ASTN2: variants seen among roughly 807,000 people sequenced by gnomAD.
ASTN2 encodes the protein astrotactin-2.
Under a neutral mutation model 139.8 loss-of-function variants are expected in ASTN2, and 54 were observed. That is an observed-to-expected ratio of 0.39 (90% CI 0.31 to 0.48). The LOEUF is 0.48. Ranked by LOEUF, ASTN2 falls within the 20% of genes least tolerant of loss-of-function variation. ASTN2 has a pLI of 0.95. For synonymous variants in ASTN2, 756 were observed against 719.5 expected (o/e 1.05, Z -0.81); for missense variants, 1,565 against 1,725.1 (o/e 0.91, Z 1.64).
intron 10 of ASTN2, among the ~76,000 whole-genome samples, chr9:116,972,474 C>T (rs950420644): frequency 1.3e-5 from 2 of 152,052 alleles, no homozygotes; most frequent in Admixed American, 1.3e-4. Context: ...ACTTGTGGCA[C>T]ACATTTACAT....
chr9:117,404,745 G>A (rs1383823641), intron 1 of ASTN2, among the ~76,000 whole-genome samples: 2 of 152,008 alleles, frequency 1.3e-5, no homozygotes, highest in African/African-American at 4.8e-5. Flanking sequence ...AAAGGACATA[G>A]AGCTTATACA....
chr9:116,439,669 C>T (rs1847783410), intron 22 of ASTN2, among the ~76,000 whole-genome samples: 1 of 152,152 alleles, frequency 6.6e-6, no homozygotes, highest in African/African-American at 2.4e-5. Flanking sequence ...GTCAGGTAGT[C>T]TCTCTGCTCC....
At chr9:116,697,145 C>G (rs57108535) in intron 16 of ASTN2, among the ~76,000 whole-genome samples, 1,688 of 152,262 alleles carry the variant, frequency 0.011, 30 homozygotes, top group African/African-American at 0.039. Flanking sequence ...TGTGGACTTG[C>G]ATGTTATACT....
chr9:117,262,622 G>A (rs1370844988), intron 2 of ASTN2, among the ~76,000 whole-genome samples: 1 of 152,042 alleles, frequency 6.6e-6, no homozygotes. Context: ...TGTATTAACA[G>A]CAGGAAGGAT....
intron 19 of ASTN2, among the ~76,000 whole-genome samples, chr9:116,503,991 T>C (rs1849999597): frequency 6.6e-6 from 1 of 152,156 alleles, no homozygotes; most frequent in Non-Finnish European, 1.5e-5. Context: ...GGTAGTGCAG[T>C]GCCCACTTCT....
rs1009813872 is a variant in ASTN2, at chr9:117,376,628, C to G, written c.442+37869G>C. Among the ~76,000 whole-genome samples the G allele has an allele frequency of 2.0e-5, 3 of 152,146 alleles. No individual in the cohort carries two copies. In the East Asian group the frequency reaches 5.8e-4, roughly 29 times the overall value. The stretch of plus-strand genomic sequence containing the variant: ...GCAGGATTTGTGGGAGGAGCGAAGC[C>G]TGAGCTAAATAGACTAGATATGGAT... On this transcript the variant is annotated intron_variant, in intron 1 of 22. Transcript: ENST00000313400.
intron 17 of ASTN2, among the ~76,000 whole-genome samples, chr9:116,625,875 C>T (rs1299204154): frequency 6.6e-6 from 1 of 152,160 alleles, no homozygotes; most frequent in Non-Finnish European, 1.5e-5. Flanking sequence ...TTGTCCCTCT[C>T]TCCTCTCATT....
chr9:116,667,538 G>A (rs935817743), intron 16 of ASTN2, among the ~76,000 whole-genome samples: 1 of 152,142 alleles, frequency 6.6e-6, no homozygotes, highest in African/African-American at 2.4e-5. Flanking sequence ...TGAATACATA[G>A]AGATTTATTA....
intron 19 of ASTN2, chr9:116,583,238 C>T (rs1588037202): frequency 6.6e-6 from 1 of 152,190 alleles, no homozygotes; most frequent in South Asian, 2.1e-4. Flanking sequence ...ACATCTGCTT[C>T]TGAAGAGAGA....
At chr9:116,427,279 T>C (rs576726402) in intron 22 of ASTN2, among the ~76,000 whole-genome samples, 3 of 152,208 alleles carry the variant, frequency 2.0e-5, no homozygotes, top group Non-Finnish European at 4.4e-5. Flanking sequence ...GAATTTTCAA[T>C]AGCACTCTTG....
intron 10 of ASTN2, among the ~76,000 whole-genome samples, chr9:116,909,458 T>C (rs1834255631): frequency 6.6e-6 from 1 of 152,232 alleles, no homozygotes; most frequent in Non-Finnish European, 1.5e-5. Context: ...GTTGGTTCAA[T>C]TTCCAGTGTA....
chr9:117,294,535 T>C (rs2130788574), intron 1 of ASTN2, among the ~76,000 whole-genome samples: 1 of 152,362 alleles, frequency 6.6e-6, no homozygotes, highest in East Asian at 1.9e-4. Context: ...AACATACTTA[T>C]CAAACACCTA....
intron 3 of ASTN2, among the ~76,000 whole-genome samples, chr9:117,193,639 C>CAAAAAAAA (rs61700943): frequency 1.6e-3 from 168 of 103,532 alleles, no homozygotes; most frequent in Non-Finnish European, 2.0e-3. Context: ...ATTCAGTCAC[C>CAAAAAAAA]AAAAAAAAAA....
At chr9:116,718,972 G>GTGTATATATATATATATATA (rs56991546) in intron 16 of ASTN2, among the ~76,000 whole-genome samples, 2 of 100,000 alleles carry the variant, frequency 2.0e-5, no homozygotes, top group African/African-American at 3.8e-5. Context: ...ACCTGTATCT[G>GTGTATATATATATATATATA]TACATATATA....
chr9:117,082,169 T>C (rs1049198712), intron 5 of ASTN2, among the ~76,000 whole-genome samples: 5 of 152,124 alleles, frequency 3.3e-5, no homozygotes, highest in Non-Finnish European at 7.4e-5. Flanking sequence ...AATGTCCCCA[T>C]CTGGATGGCT....
chr9:116,827,104 G>T (rs1279182079), intron 11 of ASTN2, among the ~76,000 whole-genome samples: 2 of 151,930 alleles, frequency 1.3e-5, no homozygotes, highest in Non-Finnish European at 2.9e-5. Context: ...AAGGTCGGGA[G>T]TTCGAGACCA....
At chr9:116,764,541 C>A (rs912942201) in intron 13 of ASTN2, among the ~76,000 whole-genome samples, 3 of 152,130 alleles carry the variant, frequency 2.0e-5, no homozygotes, top group Non-Finnish European at 2.9e-5. Flanking sequence ...CTTAGCAAAC[C>A]CAGTTTGCAA....
Position 117,329,180 on chromosome 9 carries a change from CTTTTTT to C in ASTN2, c.443-37673_443-37668del, listed in dbSNP as rs749880987. Among the ~76,000 whole-genome samples, 9 of 82,556 alleles carry C rather than the reference CTTTTTT, an allele frequency of 1.1e-4. No individual in the cohort carries two copies. The South Asian group carries it at 2.2e-3, about 20-fold the overall frequency. The allele number at this position is 82,556 out of a possible 152,430, so 54.2% of individuals were successfully genotyped here. On this transcript the variant is annotated intron_variant, in intron 1 of 22. Coordinates refer to ENST00000313400, the MANE Select transcript of ASTN2 (RefSeq NM_001365068.1). ...AGGTAACCTACTGCACTTCCAAGTT[CTTTTTT>C]TTTTTTTTTTTTTTTTTTTACTTTT...
intron 10 of ASTN2, among the ~76,000 whole-genome samples, chr9:116,898,825 C>T (rs4276762): frequency 0.31 from 47,089 of 151,996 alleles, 7,670 homozygotes; most frequent in East Asian, 0.57. Flanking sequence ...TGTGCCACCA[C>T]ACTTGCCTAA....
Sources: gnomAD v4.1 joint callset for allele counts (sites outside exome capture counted in the v4.1 genomes callset) on GRCh38, gnomAD v4.1.1 for gene constraint, MANE v1.5 for transcripts, NCBI Gene and HGNC (gene_info 2026-07-23, HGNC 2026-07-21) for gene names.